The following TRIM67 variants were observed in gnomAD, a reference collection of about 807,000 sequenced individuals.
TRIM67 encodes the protein tripartite motif-containing protein 67.
Under a neutral mutation model 71.0 loss-of-function variants are expected in TRIM67, and 39 were observed. The observed-to-expected ratio is 0.55, with a 90% confidence interval of 0.43 to 0.72. The LOEUF (loss-of-function observed/expected upper bound fraction) is 0.72, where lower values mean the gene tolerates loss of function less well. Ranked by LOEUF, TRIM67 falls within the 30% of genes least tolerant of loss-of-function variation. TRIM67 has a pLI of 0.00. For missense variants in TRIM67, 973 were observed against 1,079.2 expected (o/e 0.90, Z 1.38); for synonymous variants, 481 against 473.9 (o/e 1.01, Z -0.19).
intron 1 of TRIM67, chr1:231,187,667 G>T: frequency 2.7e-6 from 3 of 1,120,596 alleles, no homozygotes; most frequent in Non-Finnish European, 3.8e-6. Context: ...CCCAAGTGGG[G>T]CATCAAACTG....
At chr1:231,183,277 T>C (rs112705228) in intron 1 of TRIM67, among the ~76,000 whole-genome samples, 3,043 of 152,194 alleles carry the variant, frequency 0.02, 53 homozygotes, top group South Asian at 0.071. Flanking sequence ...GGAATCCAAC[T>C]CTGGCTAACT....
chr1:231,167,539 G>T (rs1190814431), intron 1 of TRIM67, among the ~76,000 whole-genome samples: 1 of 108,314 alleles, frequency 9.2e-6, no homozygotes, highest in East Asian at 3.4e-4. Context: ...AGCCGGGATG[G>T]TCTCGATCTC....
At position 231,215,878 on chromosome 1, in the gene TRIM67, G is replaced by T. The variant is rs138652850; in HGVS notation, c.*438G>T. 6.0e-6 allele frequency: 6 copies of T among 997,202 alleles called. No individual in the cohort carries two copies. The African/African-American group carries it at 1.0e-4, about 17-fold the overall frequency. The allele number at this position is 997,202 out of a possible 1,614,324, so 61.8% of individuals were successfully genotyped here. ...CCCACGCCCCGGGTGTTGGCCCTCC[G>T]TGGGGACCTTGCCTCCTCAGAGTCC... On this transcript the variant is annotated 3_prime_UTR_variant, in exon 10 of 10. Coordinates refer to ENST00000366653, the MANE Select transcript of TRIM67 (RefSeq NM_001004342.5).
chr1:231,163,105 C>A lies in TRIM67; in HGVS notation c.136C>A (p.Pro46Thr). Residue 46 changes from proline to threonine, a missense_variant, in exon 1 of 10, where the codon CCC becomes ACC. Physicochemically the swap from Pro to Thr is conservative, Grantham distance 38 (BLOSUM62 -1). Transcript: ENST00000366653. Reference protein sequence around the residue: ...VQTPDGEQHLPQPLLLSRGSG... With the variant: ...VQTPDGEQHLTQPLLLSRGSG... ...GACCCCGGACGGTGAGCAGCACCTG[C>A]CCCAGCCGCTCCTGCTTTCCCGGGG... is the stretch of plus-strand genomic sequence containing the variant. The A allele has an allele frequency of 6.4e-7, 1 of 1,567,904 alleles. No homozygotes were observed. Among genetic ancestry groups the A allele is most frequent in the Non-Finnish European group, 8.6e-7 (1 of 1,158,358 alleles).
In TRIM67 at chr1:231,215,659, C is replaced by T. The variant is rs549251572; in HGVS notation, c.*219C>T. 2.1e-4 allele frequency: 276 copies of T among 1,323,954 alleles called. 1 individual carries two copies. The highest frequency in any genetic ancestry group is 3.1e-4 in the African/African-American group (21 of 67,108). The allele number at this position is 1,323,954 out of a possible 1,614,324, so 82.0% of individuals were successfully genotyped here. A position where few individuals can be genotyped will look rare whatever the true frequency, so the allele number is the denominator to read the frequency against. On this transcript the variant is annotated 3_prime_UTR_variant, in exon 10 of 10. Coordinates refer to ENST00000366653, the MANE Select transcript of TRIM67 (RefSeq NM_001004342.5). ...CCACTGTCAGTGGCAAAGGAAGGTA[C>T]GTGTGTCACCCTTATTCCACCCAGA...
chr1:231,208,925 C>T (rs748863384), intron 7 of TRIM67, 22 bp from the exon 8 acceptor site: 10 of 1,552,818 alleles, frequency 6.4e-6, no homozygotes, highest in Non-Finnish European at 8.8e-6. Flanking sequence ...GACCCTGCTC[C>T]TCTCACCTCC....
At chr1:231,206,901 C>A in intron 7 of TRIM67, 111 bp downstream of exon 7, 1 of 1,176,072 alleles carries the variant, frequency 8.5e-7, no homozygotes, top group Non-Finnish European at 1.2e-6. Flanking sequence ...GGGGGTGGTG[C>A]TGGGCACGGC....
Position 231,220,076 on chromosome 1 carries a change from A to T in TRIM67, c.*4636A>T. 1 of 711,192 alleles carries T rather than the reference A, an allele frequency of 1.4e-6. No homozygotes were observed. The highest frequency in any genetic ancestry group is 1.5e-5 in the South Asian group (1 of 65,116). 44.1% of individuals were successfully genotyped at this position (711,192 alleles called of 1,614,324 possible). ...CTACCTCCTCTGATGTATTGTGAGGATTATACAATAACATTTTTAAAGAAA... is the reference window on the plus strand; with the variant it reads ...CTACCTCCTCTGATGTATTGTGAGGTTTATACAATAACATTTTTAAAGAAA... On this transcript the variant is annotated 3_prime_UTR_variant, in exon 10 of 10. Transcript: ENST00000366653.
At chr1:231,164,428 T>C (rs1682394338) in intron 1 of TRIM67, among the ~76,000 whole-genome samples, 1 of 152,164 alleles carries the variant, frequency 6.6e-6, no homozygotes, top group Non-Finnish European at 1.5e-5. Context: ...TGGCAATGTG[T>C]CCTTGTATCT....
At chr1:231,193,641 A>C (rs1226598092) in intron 1 of TRIM67, among the ~76,000 whole-genome samples, 2 of 151,364 alleles carry the variant, frequency 1.3e-5, no homozygotes, top group Non-Finnish European at 2.9e-5. Flanking sequence ...TTTATAAAGA[A>C]AGGTGGTTTA....
chr1:231,195,324 A>G (rs949699856), intron 1 of TRIM67, among the ~76,000 whole-genome samples: 5 of 152,218 alleles, frequency 3.3e-5, no homozygotes, highest in Admixed American at 6.5e-5. Flanking sequence ...CAGTCACATT[A>G]GCTACTTCAA....
At chr1:231,197,606 A>G (rs1169590679) in intron 2 of TRIM67, 140 bp downstream of exon 2, 2 of 656,500 alleles carry the variant, frequency 3.0e-6, no homozygotes, top group African/African-American at 3.7e-5. Flanking sequence ...CGGGCAGATC[A>G]CCTGAGATTG....
chr1:231,201,280 C>G, intron 4 of TRIM67, 78 bp from the exon 5 acceptor site: 2 of 1,475,606 alleles, frequency 1.4e-6, no homozygotes, highest in Admixed American at 2.2e-5. Flanking sequence ...GAGACAAAGT[C>G]CCTACCTCTT....
At chr1:231,201,613 C>A in intron 5 of TRIM67, 96 bp downstream of exon 5, 2 of 1,423,252 alleles carry the variant, frequency 1.4e-6, no homozygotes, top group Non-Finnish European at 9.4e-7. Flanking sequence ...ACCTGTGATG[C>A]ACGGAGTGTG....
At position 231,201,267 on chromosome 1, in the gene TRIM67, A is replaced by G. The variant is rs576114824; in HGVS notation, c.1375-91A>G. On this transcript the variant is annotated intron_variant, in intron 4 of 9. Transcript: ENST00000366653. ...CAACCCTTTTCTGTCTCTGAGTCCC[A>G]TAGAGACAAAGTCCCTACCTCTTCC... 2,852 of 1,383,164 alleles carry G rather than the reference A, an allele frequency of 2.1e-3. 3 individuals are homozygous for G. Among genetic ancestry groups the G allele is most frequent in the Non-Finnish European group, 2.6e-3 (2,638 of 1,023,174 alleles). The allele number at this position is 1,383,164 out of a possible 1,614,324, so 85.7% of individuals were successfully genotyped here. A position where few individuals can be genotyped will look rare whatever the true frequency, so the allele number is the denominator to read the frequency against.
Position 231,217,781 on chromosome 1 carries a change from C to A in TRIM67, c.*2341C>A. 1 of 1,285,842 alleles carries A rather than the reference C, an allele frequency of 7.8e-7. No homozygotes were observed. Among genetic ancestry groups the A allele is most frequent in the Non-Finnish European group, 1.0e-6 (1 of 987,046 alleles). 79.7% of individuals were successfully genotyped at this position (1,285,842 alleles called of 1,614,324 possible). ...TCATTGGAGCACAAGTTGCCTGGGG[C>A]TACCCTGAACCTAACCCCTTTGAGG... is the stretch of plus-strand genomic sequence containing the variant. On this transcript the variant is annotated 3_prime_UTR_variant, in exon 10 of 10. Coordinates refer to ENST00000366653, the MANE Select transcript of TRIM67 (RefSeq NM_001004342.5).
rs1683997900 is a variant in TRIM67 at position 231,215,722 on chromosome 1, G to A, written c.*282G>A. 4 of 1,212,034 alleles carry A rather than the reference G, an allele frequency of 3.3e-6. No individual in the cohort carries two copies. Among genetic ancestry groups the A allele is most frequent in the Admixed American group, 8.6e-5 (2 of 23,352 alleles). The allele number at this position is 1,212,034 out of a possible 1,614,324, so 75.1% of individuals were successfully genotyped here. A position where few individuals can be genotyped will look rare whatever the true frequency, so the allele number is the denominator to read the frequency against. On this transcript the variant is annotated 3_prime_UTR_variant, in exon 10 of 10. Coordinates refer to ENST00000366653, the MANE Select transcript of TRIM67 (RefSeq NM_001004342.5). The stretch of plus-strand genomic sequence containing the variant: ...TCCCCAAGAAGGACCTTTCTCAAGG[G>A]AGTCAGCATTCGGGCTTCATGTCTA...
Position 231,209,092 on chromosome 1 carries a change from G to A in TRIM67, c.1965G>A (p.Leu655=). 1 of 1,614,004 alleles carries A rather than the reference G, an allele frequency of 6.2e-7. No homozygotes were observed. Among genetic ancestry groups the A allele is most frequent in the Non-Finnish European group, 8.5e-7 (1 of 1,179,876 alleles). ...AFSKGVHYWE[L]HVDRYDNHPD... is the part of the protein sequence containing the mutation. ...CCAAGGGCGTGCACTACTGGGAGCT[G>A]CACGTGGACCGGTACGACAACCACC... Residue 655 remains leucine, a synonymous_variant, in exon 8 of 10, where the codon CTG becomes CTA. Coordinates refer to ENST00000366653, the MANE Select transcript of TRIM67 (RefSeq NM_001004342.5). The surrounding 1 kb of genome is among the most constrained non-coding windows in gnomAD (Gnocchi z 4.1).
At chr1:231,169,368 C>CTTT (rs775082418) in intron 1 of TRIM67, among the ~76,000 whole-genome samples, 1,363 of 81,502 alleles carry the variant, frequency 0.017, 3 homozygotes, top group Non-Finnish European at 0.023. Flanking sequence ...ATTCTTTTCT[C>CTTT]TTTTTTTTTT....
Sources: gnomAD v4.1 joint callset for allele counts (sites outside exome capture counted in the v4.1 genomes callset) on GRCh38, gnomAD v4.1.1 for gene constraint, Gnocchi (gnomAD v3.1) non-coding constraint, MANE v1.5 for transcripts, NCBI Gene and HGNC (gene_info 2026-07-23, HGNC 2026-07-21) for gene names.